EPRS1: variants seen among roughly 807,000 people sequenced by gnomAD.
EPRS1 encodes glutamyl-prolyl-tRNA synthetase 1.
EPRS1 carries 107 observed loss-of-function variants against 188.3 expected under a neutral mutation model. That is an observed-to-expected ratio of 0.57 (90% CI 0.49 to 0.67). The LOEUF (loss-of-function observed/expected upper bound fraction) is 0.67. EPRS1 is among the 30% of genes least tolerant of loss of function. EPRS1 has a pLI of 0.00. For missense variants in EPRS1, 1,577 were observed against 1,802.2 expected (o/e 0.88, Z 2.26); for synonymous variants, 596 against 593.1 (o/e 1.00, Z -0.07).
chr1:220,032,241 A>ATTTT, intron 5 of EPRS1, 146 bp downstream of exon 5: 1 of 415,156 alleles, frequency 2.4e-6, no homozygotes. Context: ...CGCCCGGCTA[A>ATTTT]TTTTTTTTTT....
In EPRS1 at chr1:219,973,400, T is replaced by C; in HGVS notation, c.4084-2A>G. On this transcript the variant is annotated splice_acceptor_variant, in intron 28 of 31. Coordinates refer to ENST00000366923, the MANE Select transcript of EPRS1 (RefSeq NM_004446.3). LOFTEE classifies it high-confidence loss of function. ...AACTTCAAGTCTAATGGGAACTCCC[T>C]ATAAGATAAAAAAGGCAGTTAAAAT... is the stretch of plus-strand genomic sequence containing the variant. 6.2e-7 allele frequency: 1 copy of C among 1,601,082 alleles called. No individual in the cohort carries two copies. The highest frequency in any genetic ancestry group is 8.5e-7 in the Non-Finnish European group (1 of 1,173,354).
At chr1:220,019,884 A>T in intron 10 of EPRS1, 104 bp downstream of exon 10, 1 of 743,636 alleles carries the variant, frequency 1.3e-6, no homozygotes, top group Non-Finnish European at 2.3e-6. Context: ...AGGCCTACCC[A>T]TTCCCCCTCC....
intron 4 of EPRS1, among the ~76,000 whole-genome samples, chr1:220,033,208 C>T (rs1315552041): frequency 1.3e-5 from 2 of 151,978 alleles, no homozygotes; most frequent in Admixed American, 6.6e-5. Context: ...GAGGTGCTAA[C>T]ATAAATGGGA....
intron 17 of EPRS1, 124 bp from the exon 18 acceptor site, chr1:219,997,466 C>G (rs1354088742): frequency 1.1e-5 from 9 of 815,392 alleles, no homozygotes; most frequent in African/African-American, 1.7e-5. Context: ...AACTTCAATC[C>G]CTTAAAAAGC....
chr1:220,005,407 A>G, intron 15 of EPRS1, 47 bp from the exon 16 acceptor site: 2 of 975,384 alleles, frequency 2.1e-6, no homozygotes, highest in Non-Finnish European at 1.6e-6. Flanking sequence ...AAATCATAGT[A>G]GTAAAATAAC....
At chr1:220,029,674 C>T (rs1662050567) in intron 6 of EPRS1, among the ~76,000 whole-genome samples, 1 of 152,136 alleles carries the variant, frequency 6.6e-6, no homozygotes, top group Admixed American at 6.6e-5. Context: ...AGGCTAACTG[C>T]TTTAATAAGA....
At position 219,994,458 on chromosome 1, in the gene EPRS1, A is replaced by G. The variant is rs186069758; in HGVS notation, c.2541+2525T>C. Reference sequence around the variant, plus strand: ...GTATATACAGCTCACATTTGTTTCAATTAGAAGTGTTTGGGTCTTTATTAG... The same window carrying G: ...GTATATACAGCTCACATTTGTTTCAGTTAGAAGTGTTTGGGTCTTTATTAG... On this transcript the variant is annotated intron_variant, in intron 18 of 31. Coordinates refer to ENST00000366923, the MANE Select transcript of EPRS1 (RefSeq NM_004446.3). Among the ~76,000 whole-genome samples the G allele has an allele frequency of 4.0e-4, 61 of 152,086 alleles. No homozygotes were observed. In the East Asian group the frequency reaches 6.2e-3, roughly 15 times the overall value.
chr1:219,970,398 C>T (rs1457189538), intron 30 of EPRS1, among the ~76,000 whole-genome samples: 3 of 133,798 alleles, frequency 2.2e-5, no homozygotes, highest in Admixed American at 1.6e-4. Context: ...TCATCAACTG[C>T]TCTCAGCCAC....
chr1:220,020,143 T>A lies in EPRS1; in HGVS notation c.1194A>T (p.Glu398Asp). The change falls in exon 10 of 32, where the codon GAA (glutamate) becomes GAT (aspartate). Residue 398 changes from glutamate to aspartate, a missense_variant. Coordinates refer to ENST00000366923, the MANE Select transcript of EPRS1 (RefSeq NM_004446.3). ...AAAACTGCTCATCTCTGTCATGGTATTCTGTTGTTCTCAGGGCATGTGTAA... is the reference window on the plus strand; with the variant it reads ...AAAACTGCTCATCTCTGTCATGGTAATCTGTTGTTCTCAGGGCATGTGTAA... Reference protein sequence around the residue: ...EGVTHALRTTEYHDRDEQFYW... With the variant: ...EGVTHALRTTDYHDRDEQFYW... 6.2e-7 allele frequency: 1 copy of A among 1,614,148 alleles called. No homozygotes were observed. Among genetic ancestry groups the A allele is most frequent in the Non-Finnish European group, 8.5e-7 (1 of 1,179,992 alleles).
intron 6 of EPRS1, among the ~76,000 whole-genome samples, chr1:220,029,261 T>C (rs1662041987): frequency 6.6e-6 from 1 of 152,124 alleles, no homozygotes; most frequent in South Asian, 2.1e-4. Context: ...TATTTATGCC[T>C]GAATCCACTT....
intron 12 of EPRS1, among the ~76,000 whole-genome samples, chr1:220,014,284 C>T (rs921796750): frequency 6.6e-5 from 10 of 151,768 alleles, no homozygotes; most frequent in African/African-American, 2.4e-4. Context: ...GCCGAGATCA[C>T]GCCACTGCAC....
chr1:220,018,933 G>A (rs1160707635), intron 11 of EPRS1, 62 bp downstream of exon 11: 1 of 1,022,900 alleles, frequency 9.8e-7, no homozygotes, highest in African/African-American at 1.6e-5. Flanking sequence ...AAGAGTAAAG[G>A]GACAGTAATA....
chr1:219,980,631 C>A, intron 25 of EPRS1, 125 bp downstream of exon 25: 1 of 628,330 alleles, frequency 1.6e-6, no homozygotes, highest in East Asian at 2.8e-5. Flanking sequence ...TTACTTAAAT[C>A]CATGAACATT....
intron 13 of EPRS1, 97 bp downstream of exon 13, chr1:220,010,849 C>G: frequency 1.9e-5 from 13 of 697,492 alleles, no homozygotes; most frequent in African/African-American, 3.7e-5. Flanking sequence ...AAAATCATCT[C>G]AAAATCATGC....
Position 220,033,677 on chromosome 1 carries a change from G to C in EPRS1, c.232-19C>G, listed in dbSNP as rs1558061709. 5 of 1,561,258 alleles carry C rather than the reference G, an allele frequency of 3.2e-6. No homozygotes were observed. Among genetic ancestry groups the C allele is most frequent in the Non-Finnish European group, 4.4e-6 (5 of 1,145,176 alleles). ...GATCAATCTGTCAACATAAAAGACA[G>C]AAAAGAAATGCATTCCAACATTTCA... On this transcript the variant is annotated intron_variant, in intron 3 of 31. Transcript: ENST00000366923.
At chr1:220,001,959 A>G (rs2647427) in intron 16 of EPRS1, among the ~76,000 whole-genome samples, 130,943 of 151,568 alleles carry the variant, frequency 0.86, 56,982 homozygotes, top group African/African-American at 0.97. Context: ...AACCTGGGAG[A>G]CAGAAGTTGC....
intron 1 of EPRS1, among the ~76,000 whole-genome samples, chr1:220,043,866 C>G (rs1406474021): frequency 6.6e-6 from 1 of 152,170 alleles, no homozygotes; most frequent in Non-Finnish European, 1.5e-5. Context: ...CAGATGCAAA[C>G]AAAGCATAAT....
At chr1:220,004,845 A>AG (rs1205824828) in intron 16 of EPRS1, among the ~76,000 whole-genome samples, 1 of 152,140 alleles carries the variant, frequency 6.6e-6, no homozygotes, top group Admixed American at 6.5e-5. Flanking sequence ...AAAAAAAAAA[A>AG]TACAAATACT....
intron 1 of EPRS1, 106 bp from the exon 2 acceptor site, chr1:220,040,375 C>T (rs1662269081): frequency 1.4e-6 from 1 of 718,120 alleles, no homozygotes; most frequent in African/African-American, 1.8e-5. Flanking sequence ...TTAAGTCCTA[C>T]AAGGAGTGAA....
Sources: allele counts gnomAD v4.1 joint callset (sites outside exome capture counted in the v4.1 genomes callset), GRCh38; gene constraint gnomAD v4.1.1; transcripts MANE v1.5; gene names NCBI Gene and HGNC (gene_info 2026-07-23, HGNC 2026-07-21).